The following TTC14 variants were observed in gnomAD, a reference collection of about 807,000 sequenced individuals.
The protein encoded by TTC14 is tetratricopeptide repeat domain 14, also known as tetratricopeptide repeat protein 14.
TTC14 carries 63 observed loss-of-function variants against 79.9 expected under a neutral mutation model. The observed-to-expected ratio is 0.79, with a 90% CI of 0.64 to 0.97. The LOEUF (loss-of-function observed/expected upper bound fraction) is 0.97, where lower values mean the gene tolerates loss of function less well. TTC14 is among the 50% of genes least tolerant of loss of function. The probability of loss-of-function intolerance (pLI) is 0.00; values close to 1 mark genes in which losing one functional copy is unlikely to be tolerated. For synonymous variants in TTC14, 335 were observed against 309.6 expected (o/e 1.08, Z -0.86); for missense variants, 895 against 894.0 (o/e 1.00, Z -0.01).
intron 6 of TTC14, chr3:180,605,223 A>T: frequency 2.5e-6 from 1 of 393,780 alleles, no homozygotes; most frequent in Non-Finnish European, 4.4e-6. Context: ...GGATGCAGAA[A>T]CTTTTTATAA....
Position 180,602,166 on chromosome 3 carries a change from C to G in TTC14, c.-96C>G. 6.7e-7 allele frequency: 1 copy of G among 1,491,994 alleles called. No homozygotes were observed. The highest frequency in any genetic ancestry group is 9.1e-7 in the Non-Finnish European group (1 of 1,101,194). 92.4% of individuals were successfully genotyped at this position (1,491,994 alleles called of 1,614,324 possible). On this transcript the variant is annotated 5_prime_UTR_variant, in exon 1 of 12. Transcript: ENST00000296015. ...CTGTGTACTTCCGGCAGCCTCCAGA[C>G]AGTTTCTTCCGCTTCCTGTACCACC...
chr3:180,609,009 CA>C lies in TTC14; in HGVS notation c.1400+206del, dbSNP rs530173302. On this transcript the variant is annotated intron_variant, in intron 11 of 11. Coordinates refer to ENST00000296015, the MANE Select transcript of TTC14 (RefSeq NM_133462.4). The stretch of plus-strand genomic sequence containing the variant: ...AGTGGAATTTAAGGCTAGAATTCTA[CA>C]AAAAAAGAGTATCTTAGAATTAAAA... 5.1e-3 allele frequency: 5,562 copies of C among 1,093,394 alleles called. 14 individuals carry two copies. The highest frequency in any genetic ancestry group is 6.7e-3 in the Middle Eastern group (17 of 2,556). The allele number at this position is 1,093,394 out of a possible 1,614,324, so 67.7% of individuals were successfully genotyped here. A position where few individuals can be genotyped will look rare whatever the true frequency, so the allele number is the denominator to read the frequency against.
At chr3:180,608,025 T>C (rs568810589) in intron 10 of TTC14, 77 of 1,153,448 alleles carry the variant, frequency 6.7e-5, no homozygotes, top group Non-Finnish European at 8.1e-5. Context: ...TATAGGGAGC[T>C]CACCTGGTGG....
chr3:180,604,792 T>C, intron 5 of TTC14, 60 bp from the exon 6 acceptor site: 5 of 1,514,764 alleles, frequency 3.3e-6, no homozygotes, highest in Non-Finnish European at 4.5e-6. Flanking sequence ...ATTATTTCTT[T>C]ACTAGAAATG....
At chr3:180,615,597 TTA>T (rs1717200825), downstream of TTC14, among the ~76,000 whole-genome samples, 1 of 152,156 alleles carries the variant, frequency 6.6e-6, no homozygotes, top group African/African-American at 2.4e-5. Context: ...AAACAGTTTT[TTA>T]TACTTAAATG....
At position 180,605,766 on chromosome 3, in the gene TTC14, CA is replaced by C; in HGVS notation, c.863del (p.Asn288IlefsTer11). The C allele has an allele frequency of 1.3e-6, 2 of 1,566,530 alleles. No individual in the cohort carries two copies. The highest frequency in any genetic ancestry group is 1.7e-4 in the Middle Eastern group (1 of 5,838). ...TTTTAATTTTTATTTTCTTTAATAGCAAAAATTTCTCTGAAGATGATTTTGC... is the reference window on the plus strand; with the variant it reads ...TTTTAATTTTTATTTTCTTTAATAGCAAAATTTCTCTGAAGATGATTTTGC... ...PPSLMRGLQSKNFSEDDFASA... is the reference protein window; with the variant it reads ...PPSLMRGLQSXNFSEDDFASA... On this transcript the variant is annotated frameshift_variant and splice_region_variant, in exon 7 of 12. Transcript: ENST00000296015. LOFTEE classifies it high-confidence loss of function.
At chr3:180,614,342 T>C (rs1371272001), downstream of TTC14, 4 of 142,334 alleles carry the variant, frequency 2.8e-5, no homozygotes, top group Non-Finnish European at 6.1e-5. Context: ...ATTTTAAAAT[T>C]GATATACAGT....
chr3:180,605,726 A>G, intron 6 of TTC14, 40 bp from the exon 7 acceptor site: 12 of 1,467,758 alleles, frequency 8.2e-6, no homozygotes, highest in Non-Finnish European at 1.1e-5. Flanking sequence ...CTTAAAAAAT[A>G]TTTGTGGTTT....
rs748819352 is a variant in TTC14 at position 180,602,231 on chromosome 3, C to A, written c.-31C>A. ...GACACGGAACAGGGAACTATCAGCCCGTCGGCCTCCGGGCCCTGCATTCTC... is the reference window on the plus strand; with the variant it reads ...GACACGGAACAGGGAACTATCAGCCAGTCGGCCTCCGGGCCCTGCATTCTC... On this transcript the variant is annotated 5_prime_UTR_variant, in exon 1 of 12. Coordinates refer to ENST00000296015, the MANE Select transcript of TTC14 (RefSeq NM_133462.4). 2 of 1,610,722 alleles carry A rather than the reference C, an allele frequency of 1.2e-6. No homozygotes were observed. Among genetic ancestry groups the A allele is most frequent in the African/African-American group, 2.7e-5 (2 of 75,016 alleles).
At chr3:180,612,141 A>G (rs2108400802), downstream of TTC14, among the ~76,000 whole-genome samples, 1 of 152,320 alleles carries the variant, frequency 6.6e-6, no homozygotes, top group East Asian at 1.9e-4. Flanking sequence ...TAGCTCCAGT[A>G]TCATCTTTAC....
chr3:180,609,367 T>C, intron 11 of TTC14: 1 of 1,144,450 alleles, frequency 8.7e-7, no homozygotes, highest in Non-Finnish European at 1.1e-6. Flanking sequence ...TGTTCAGTAG[T>C]CTTAAGTTTT....
intron 5 of TTC14, 110 bp downstream of exon 5, chr3:180,604,717 C>T: frequency 7.0e-7 from 1 of 1,430,098 alleles, no homozygotes; most frequent in Non-Finnish European, 9.4e-7. Context: ...AAAAGGAAAC[C>T]ATATCATAAT....
chr3:180,614,793 C>T, downstream of TTC14: 1 of 717,594 alleles, frequency 1.4e-6, no homozygotes, highest in Non-Finnish European at 2.1e-6. Flanking sequence ...TTTTTTAAAA[C>T]TATCAGTTTT....
At chr3:180,611,276 TA>T, downstream of TTC14, 1 of 594,002 alleles carries the variant, frequency 1.7e-6, no homozygotes, top group African/African-American at 2.0e-5. Flanking sequence ...ACAAGGCCCT[TA>T]GGGCCTGTAT....
In TTC14 at chr3:180,616,837, CTCTT is replaced by C. The variant is rs749280773; in HGVS notation, c.1775-539_1775-536del. ...AAAGATATCGATACCTGTTTGGTCA[CTCTT>C]TCTAATTTTGGCTTCTGCTCCTCCG... On this transcript the variant is annotated intron_variant, in intron 12 of 12. Transcript: ENST00000382584. The C allele has an allele frequency of 3.1e-6, 5 of 1,610,310 alleles. No individual in the cohort carries two copies. The highest frequency in any genetic ancestry group is 2.2e-5 in the East Asian group (1 of 44,758).
Position 180,610,537 on chromosome 3 carries a change from A to C in TTC14, c.2308A>C (p.Asn770His). Residue 770 changes from asparagine (N) to histidine (H), a missense_variant, in exon 12 of 12, where the codon AAT becomes CAT. Physicochemically the swap from Asn to His is moderately conservative, Grantham distance 68 (BLOSUM62 1). Coordinates refer to ENST00000296015, the MANE Select transcript of TTC14 (RefSeq NM_133462.4). ...FEKEKGNKSK[N>H] ...AAAAGAAAAAGGAAATAAGTCAAAA[A>C]ATTAATACACCAAGGATATCGGCAC... 1 of 1,566,440 alleles carries C rather than the reference A, an allele frequency of 6.4e-7. No individual in the cohort carries two copies. The highest frequency in any genetic ancestry group is 8.6e-7 in the Non-Finnish European group (1 of 1,163,344).
At chr3:180,617,678 G>A in exon 13 of TTC14, 1 of 394,778 alleles carries the variant, frequency 2.5e-6, no homozygotes, top group Non-Finnish European at 4.5e-6. Flanking sequence ...GAATATTTTT[G>A]TGCAGTTGAA....
chr3:180,616,059 G>GA (rs1717223608), downstream of TTC14, among the ~76,000 whole-genome samples: 1 of 152,190 alleles, frequency 6.6e-6, no homozygotes, highest in African/African-American at 2.4e-5. Flanking sequence ...GGCTATACTG[G>GA]AAATAGTGAC....
intron 12 of TTC14, chr3:180,617,018 T>C (rs374694505): frequency 1.0e-6 from 1 of 966,338 alleles, no homozygotes. Flanking sequence ...TTGACTTTTA[T>C]AACTTGTCAT....
Sources: gnomAD v4.1 joint callset for allele counts (sites outside exome capture counted in the v4.1 genomes callset) on GRCh38, gnomAD v4.1.1 for gene constraint, MANE v1.5 for transcripts, NCBI Gene and HGNC (gene_info 2026-07-23, HGNC 2026-07-21) for gene names.